Variants in SCHIP1 observed in about 807,000 individuals in gnomAD.
SCHIP1 encodes the protein schwannomin interacting protein 1.
Under a neutral mutation model 29.7 loss-of-function variants are expected in SCHIP1, and 8 were observed. The ratio of observed to expected loss-of-function variants is 0.27; its 90% CI spans 0.16 to 0.49. The LOEUF is 0.49. Ranked by LOEUF, SCHIP1 falls within the 20% of genes least tolerant of loss-of-function variation. The pLI is 0.99. For missense variants in SCHIP1, 193 were observed against 294.6 expected (o/e 0.66, Z 2.52); for synonymous variants, 76 against 94.9 (o/e 0.80, Z 1.16).
At chr3:159,275,180 A>T in the SCHIP1 span, 1 of 584,792 alleles carries the variant, frequency 1.7e-6, no homozygotes, top group East Asian at 1.4e-4. Flanking sequence ...TGATGTCAGT[A>T]TTTAAAAGGC....
chr3:159,648,651 G>A, the SCHIP1 span, among the ~76,000 whole-genome samples: 1 of 152,042 alleles, frequency 6.6e-6, no homozygotes. Context: ...TCTACTCCCT[G>A]CCCTTGTCTG....
At chr3:159,553,936 G>C in the SCHIP1 span, among the ~76,000 whole-genome samples, 10 of 151,586 alleles carry the variant, frequency 6.6e-5, 1 homozygote, top group South Asian at 4.2e-4. Context: ...GAGTAGCTGG[G>C]ACTACAGGCT....
chr3:159,700,365 G>A, the SCHIP1 span, among the ~76,000 whole-genome samples: 28 of 152,300 alleles, frequency 1.8e-4, no homozygotes, highest in South Asian at 1.2e-3. Flanking sequence ...AGGGGAGATA[G>A]ATTATAGAAT....
At chr3:159,336,734 T>G in the SCHIP1 span, among the ~76,000 whole-genome samples, 1 of 152,220 alleles carries the variant, frequency 6.6e-6, no homozygotes, top group Admixed American at 6.5e-5. Flanking sequence ...CGTGCTGTTT[T>G]GGTTACTGTA....
the SCHIP1 span, among the ~76,000 whole-genome samples, chr3:159,406,741 T>TG: frequency 6.6e-6 from 1 of 151,930 alleles, no homozygotes; most frequent in Non-Finnish European, 1.5e-5. Flanking sequence ...AGTTAAAAAG[T>TG]GGGGGGACAA....
At chr3:159,434,278 T>G in the SCHIP1 span, among the ~76,000 whole-genome samples, 1 of 152,176 alleles carries the variant, frequency 6.6e-6, no homozygotes, top group Non-Finnish European at 1.5e-5. Context: ...TGCAGAATCC[T>G]GGGTCCCTCT....
At chr3:159,466,218 G>A in the SCHIP1 span, among the ~76,000 whole-genome samples, 1 of 152,046 alleles carries the variant, frequency 6.6e-6, no homozygotes, top group Admixed American at 6.6e-5. Context: ...AAAAACATGA[G>A]ACTTTGTAGT....
chr3:159,620,901 A>T, the SCHIP1 span, among the ~76,000 whole-genome samples: 193 of 152,314 alleles, frequency 1.3e-3, no homozygotes, highest in Admixed American at 2.5e-3. Context: ...CATCCCTTAA[A>T]CTACCTAATC....
At chr3:159,721,110 GGATC>G in the SCHIP1 span, among the ~76,000 whole-genome samples, 1 of 151,942 alleles carries the variant, frequency 6.6e-6, no homozygotes, top group African/African-American at 2.4e-5. Context: ...AAACAATGAA[GGATC>G]GATTTCTGAA....
chr3:159,399,802 G>A, the SCHIP1 span, among the ~76,000 whole-genome samples: 1,322 of 152,156 alleles, frequency 8.7e-3, 11 homozygotes, highest in African/African-American at 0.03. Flanking sequence ...TCAGCCTCCT[G>A]GGTAGCTAGG....
the SCHIP1 span, among the ~76,000 whole-genome samples, chr3:159,376,067 A>G: frequency 6.6e-6 from 1 of 152,154 alleles, no homozygotes; most frequent in Admixed American, 6.5e-5. Flanking sequence ...GGAGTGCCCA[A>G]TGTTGTGTGG....
At chr3:159,483,052 C>T in the SCHIP1 span, among the ~76,000 whole-genome samples, 13 of 152,244 alleles carry the variant, frequency 8.5e-5, no homozygotes, top group East Asian at 1.4e-3. Flanking sequence ...AGCAGCCTCC[C>T]GACCAATTAG....
chr3:159,568,332 T>G, the SCHIP1 span, among the ~76,000 whole-genome samples: 11 of 152,244 alleles, frequency 7.2e-5, no homozygotes, highest in East Asian at 2.1e-3. Flanking sequence ...CATACAATCT[T>G]AAAGCAGAGG....
the SCHIP1 span, among the ~76,000 whole-genome samples, chr3:159,365,460 T>C: frequency 0.049 from 7,437 of 152,222 alleles, 631 homozygotes; most frequent in African/African-American, 0.17. Flanking sequence ...GATCACTTTC[T>C]CATACTATAT....
the SCHIP1 span, among the ~76,000 whole-genome samples, chr3:159,614,557 G>C: frequency 1.3e-5 from 2 of 152,126 alleles, no homozygotes; most frequent in Admixed American, 6.6e-5. Flanking sequence ...GGAAGATCAA[G>C]TGAGAGGAGT....
chr3:159,751,407 C>T, the SCHIP1 span, among the ~76,000 whole-genome samples: 2 of 152,170 alleles, frequency 1.3e-5, no homozygotes, highest in African/African-American at 4.8e-5. Context: ...TGTGCTGATG[C>T]AGTCTATATT....
At chr3:159,428,551 T>C in the SCHIP1 span, among the ~76,000 whole-genome samples, 421 of 152,036 alleles carry the variant, frequency 2.8e-3, no homozygotes, top group African/African-American at 9.6e-3. Context: ...AAACAACAGG[T>C]GCTGGAGAGG....
chr3:159,602,995 C>G, the SCHIP1 span, among the ~76,000 whole-genome samples: 5 of 152,202 alleles, frequency 3.3e-5, no homozygotes, highest in Non-Finnish European at 7.3e-5. Flanking sequence ...TTGTCCCCCA[C>G]TTTCAATGCC....
At chr3:159,678,346 G>A in the SCHIP1 span, among the ~76,000 whole-genome samples, 1 of 152,152 alleles carries the variant, frequency 6.6e-6, no homozygotes, top group South Asian at 2.1e-4. Flanking sequence ...ATGATTGATA[G>A]TCCCCTTCTT....
Sources: gnomAD v4.1 joint callset for allele counts (sites outside exome capture counted in the v4.1 genomes callset) on GRCh38, gnomAD v4.1.1 for gene constraint, MANE v1.5 for transcripts, NCBI Gene and HGNC (gene_info 2026-07-23, HGNC 2026-07-21) for gene names.